TBC1D32: variants seen among roughly 807,000 people sequenced by gnomAD.
The protein encoded by TBC1D32 is protein broad-minded.
In TBC1D32, 151 loss-of-function variants were observed where a neutral mutation model predicts 170.3. That is an observed-to-expected ratio of 0.89 (90% confidence interval 0.78 to 1.01). The LOEUF is 1.01. TBC1D32 is among the 50% of genes least tolerant of loss of function. TBC1D32 has a pLI of 0.00. For synonymous variants in TBC1D32, 498 were observed against 488.0 expected (o/e 1.02, Z -0.27); for missense variants, 1,464 against 1,457.1 (o/e 1.00, Z -0.08).
chr6:121,314,985 G>C (rs1187627496), intron 3 of TBC1D32, among the ~76,000 whole-genome samples: 1 of 152,104 alleles, frequency 6.6e-6, no homozygotes, highest in Non-Finnish European at 1.5e-5. Context: ...TCCCTATACG[G>C]GAAGTAGTAT....
intron 15 of TBC1D32, among the ~76,000 whole-genome samples, chr6:121,275,201 G>C (rs1257414907): frequency 6.6e-6 from 1 of 152,134 alleles, no homozygotes; most frequent in Non-Finnish European, 1.5e-5. Flanking sequence ...TTGTTGTAAT[G>C]TAAGTCAATG....
At chr6:121,177,231 CT>C (rs1356060512) in intron 22 of TBC1D32, among the ~76,000 whole-genome samples, 2 of 152,070 alleles carry the variant, frequency 1.3e-5, no homozygotes, top group Non-Finnish European at 2.9e-5. Flanking sequence ...GGGTGAATTT[CT>C]CAATGGTTTA....
At position 121,170,394 on chromosome 6, in the gene TBC1D32, C is replaced by A. The variant is rs191405928; in HGVS notation, c.2571-9338G>T. On this transcript the variant is annotated intron_variant, in intron 22 of 31. Transcript: ENST00000398212. Reference sequence around the variant, plus strand: ...AACTGCTGTTACTCTGTTTTAATCACCCATTTTTACCTGTGGCTCTCAGAA... The same window carrying A: ...AACTGCTGTTACTCTGTTTTAATCAACCATTTTTACCTGTGGCTCTCAGAA... 21 of 1,592,594 alleles carry A rather than the reference C, an allele frequency of 1.3e-5. No homozygotes were observed. In the East Asian group the frequency reaches 4.1e-4, roughly 31 times the overall value.
rs561354654 is a variant in TBC1D32, at chr6:121,228,712, C to T, written c.2365-5360G>A. Among the ~76,000 whole-genome samples the T allele has an allele frequency of 3.9e-5, 6 of 152,116 alleles. No homozygotes were observed. In the South Asian group the frequency reaches 6.2e-4, roughly 16 times the overall value. On this transcript the variant is annotated intron_variant, in intron 20 of 31. Transcript: ENST00000398212. ...ATGCCATGTGTTCTTGAAAAGAATGCGTATTCTGTAGTCACCGAGTATAAT... is the reference window on the plus strand; with the variant it reads ...ATGCCATGTGTTCTTGAAAAGAATGTGTATTCTGTAGTCACCGAGTATAAT...
intron 20 of TBC1D32, among the ~76,000 whole-genome samples, chr6:121,226,708 G>A (rs904107857): frequency 3.9e-5 from 6 of 152,068 alleles, no homozygotes; most frequent in South Asian, 2.1e-4. Flanking sequence ...TAAAGGAAAG[G>A]TCTGTGAAGA....
chr6:121,215,198 G>A (rs187471290), intron 21 of TBC1D32, among the ~76,000 whole-genome samples: 106 of 152,288 alleles, frequency 7.0e-4, no homozygotes, highest in South Asian at 3.7e-3. Context: ...AGTCAGGCTC[G>A]GAAAAAGCAC....
chr6:121,264,102 G>C (rs1800130830), intron 15 of TBC1D32, among the ~76,000 whole-genome samples: 1 of 152,000 alleles, frequency 6.6e-6, no homozygotes, highest in Admixed American at 6.6e-5. Flanking sequence ...AAATGAAGGA[G>C]AGACGGACAT....
chr6:121,231,277 T>C (rs1583312664), intron 20 of TBC1D32, among the ~76,000 whole-genome samples: 1 of 152,142 alleles, frequency 6.6e-6, no homozygotes, highest in African/African-American at 2.4e-5. Flanking sequence ...TATGGCTGAG[T>C]AGTATTCCAT....
intron 30 of TBC1D32, among the ~76,000 whole-genome samples, chr6:121,105,486 A>G (rs1296657999): frequency 2.0e-5 from 3 of 151,950 alleles, no homozygotes; most frequent in African/African-American, 7.2e-5. Context: ...TAGTGAAGCA[A>G]CAATGCACAC....
At chr6:121,254,441 T>C (rs1321146760) in intron 17 of TBC1D32, among the ~76,000 whole-genome samples, 2 of 152,098 alleles carry the variant, frequency 1.3e-5, no homozygotes, top group African/African-American at 4.8e-5. Context: ...TATTAAAAAA[T>C]GAGATCTAAA....
chr6:121,211,381 C>T (rs1265898592), intron 21 of TBC1D32, among the ~76,000 whole-genome samples: 2 of 152,070 alleles, frequency 1.3e-5, no homozygotes, highest in Non-Finnish European at 2.9e-5. Flanking sequence ...AATGAAATCC[C>T]TGGTGACTTC....
intron 28 of TBC1D32, 145 bp downstream of exon 28, chr6:121,112,912 GAATAA>G (rs1282058999): frequency 9.4e-6 from 6 of 640,746 alleles, no homozygotes; most frequent in Non-Finnish European, 1.5e-5. Flanking sequence ...TTAAAATACA[GAATAA>G]AATACTGTAA....
Position 121,080,754 on chromosome 6 carries a change from AC to A in TBC1D32, c.*16del. 1 of 1,596,754 alleles carries A rather than the reference AC, an allele frequency of 6.3e-7. No individual in the cohort carries two copies. The highest frequency in any genetic ancestry group is 1.8e-5 in the Admixed American group (1 of 55,668). The stretch of plus-strand genomic sequence containing the variant: ...AAAAATAAATAAAACCTAAATTTAA[AC>A]CGTGTGTCTCATGATCTATGTGCTC... On this transcript the variant is annotated 3_prime_UTR_variant, in exon 32 of 32. Transcript: ENST00000398212.
At chr6:121,150,555 T>C (rs968867654) in intron 24 of TBC1D32, among the ~76,000 whole-genome samples, 4 of 152,230 alleles carry the variant, frequency 2.6e-5, no homozygotes, top group African/African-American at 7.2e-5. Flanking sequence ...TTCTATTGAT[T>C]GGAATAGTTT....
chr6:121,246,174 C>A (rs1797572411), intron 17 of TBC1D32, among the ~76,000 whole-genome samples: 1 of 152,078 alleles, frequency 6.6e-6, no homozygotes, highest in African/African-American at 2.4e-5. Context: ...CTCAGGAGAT[C>A]CCTGCCATTC....
At chr6:121,303,517 G>C (rs1308797509) in intron 9 of TBC1D32, 100 bp downstream of exon 9, 2 of 994,616 alleles carry the variant, frequency 2.0e-6, no homozygotes, top group East Asian at 3.1e-5. Context: ...ACATGTAAAA[G>C]TGATTAGAAC....
intron 15 of TBC1D32, among the ~76,000 whole-genome samples, chr6:121,268,446 T>G (rs143179352): frequency 1.3e-5 from 2 of 152,036 alleles, no homozygotes; most frequent in East Asian, 3.9e-4. Flanking sequence ...AACCATGGCA[T>G]GAGAACTACG....
At chr6:121,315,858 G>A (rs1808867147) in intron 3 of TBC1D32, among the ~76,000 whole-genome samples, 2 of 152,094 alleles carry the variant, frequency 1.3e-5, no homozygotes, top group South Asian at 4.2e-4. Context: ...TACTGAAACA[G>A]CTTTCAGGAC....
At chr6:121,256,333 C>A in intron 15 of TBC1D32, 48 bp from the exon 16 acceptor site, 1 of 1,468,156 alleles carries the variant, frequency 6.8e-7, no homozygotes, top group Non-Finnish European at 9.3e-7. Context: ...TTAATCTTGA[C>A]TTCATAAAGC....
Sources: allele counts gnomAD v4.1 joint callset (sites outside exome capture counted in the v4.1 genomes callset), GRCh38; gene constraint gnomAD v4.1.1; transcripts MANE v1.5; gene names NCBI Gene and HGNC (gene_info 2026-07-23, HGNC 2026-07-21).